STAU2: variants seen among roughly 807,000 people sequenced by gnomAD.
The protein encoded by STAU2 is staufen double-stranded RNA binding protein 2, also known as double-stranded RNA-binding protein Staufen homolog 2.
Under a neutral mutation model 65.9 loss-of-function variants are expected in STAU2, and 20 were observed. The observed-to-expected ratio is 0.30, with a 90% CI of 0.21 to 0.44. The LOEUF is 0.44. Ranked by LOEUF, STAU2 falls within the 20% of genes least tolerant of loss-of-function variation. The pLI is 1.00. For missense variants in STAU2, 558 were observed against 683.9 expected, an observed-to-expected ratio of 0.82 and a Z score of 2.05; for synonymous variants, 232 against 233.9, an observed-to-expected ratio of 0.99 and a Z score of 0.07.
upstream of STAU2, chr8:73,746,946 C>T: frequency 2.3e-6 from 2 of 869,532 alleles, no homozygotes; most frequent in Non-Finnish European, 2.8e-6. Flanking sequence ...CTCCCGCGCT[C>T]GCGCCGCGCG....
intron 13 of STAU2, among the ~76,000 whole-genome samples, chr8:73,515,858 C>T (rs538885453): frequency 1.4e-4 from 20 of 145,972 alleles, no homozygotes; most frequent in African/African-American, 4.0e-4. Context: ...ACTGCAACCT[C>T]CACCTTCCAG....
chr8:73,654,671 T>C (rs1400348787), intron 6 of STAU2, among the ~76,000 whole-genome samples: 29 of 68,358 alleles, frequency 4.2e-4, no homozygotes, highest in Non-Finnish European at 8.7e-4. Flanking sequence ...AGAACTCTTT[T>C]AATTATCAAA....
intron 13 of STAU2, chr8:73,511,393 C>T (rs906115999): frequency 1.3e-5 from 2 of 152,752 alleles, no homozygotes; most frequent in African/African-American, 4.8e-5. Context: ...CAATAATACA[C>T]CTTCAAGAAA....
intron 2 of STAU2, among the ~76,000 whole-genome samples, chr8:73,739,423 C>T (rs929085004): frequency 6.6e-6 from 1 of 151,816 alleles, no homozygotes; most frequent in African/African-American, 2.4e-5. Context: ...CAGCAAAAGG[C>T]CTATATCTAA....
chr8:73,697,337 T>C (rs1819756047), intron 4 of STAU2: 3 of 152,196 alleles, frequency 2.0e-5, no homozygotes, highest in Admixed American at 2.0e-4. Context: ...GAAAATATCC[T>C]TTAATTATGA....
Position 73,579,527 on chromosome 8 carries a change from T to G in STAU2, c.1222+3243A>C, listed in dbSNP as rs576350109. On this transcript the variant is annotated intron_variant, in intron 12 of 14. Coordinates refer to ENST00000524300, the MANE Select transcript of STAU2 (RefSeq NM_001164380.2). Reference sequence around the variant, plus strand: ...AACTGTATCTAAATATTTTACAAAGTTTTCCAAGAGCCGTGAGCTGTCAGT... The same window carrying G: ...AACTGTATCTAAATATTTTACAAAGGTTTCCAAGAGCCGTGAGCTGTCAGT... Among the ~76,000 whole-genome samples, 3 of 152,268 alleles carry G rather than the reference T, an allele frequency of 2.0e-5. No homozygotes were observed. The South Asian group carries it at 6.2e-4, about 32-fold the overall frequency.
chr8:73,738,341 C>A lies in STAU2; in HGVS notation c.-75G>T. The A allele has an allele frequency of 1.9e-6, 3 of 1,576,838 alleles. No individual in the cohort carries two copies. The South Asian group carries it at 3.6e-5, about 19-fold the overall frequency. ...GACCAAACTGCTGTATCCCTCACGGCTCCAAAAACTGGAAAACGAAAATGA... is the reference window on the plus strand; with the variant it reads ...GACCAAACTGCTGTATCCCTCACGGATCCAAAAACTGGAAAACGAAAATGA... On this transcript the variant is annotated 5_prime_UTR_variant, in exon 3 of 15. Transcript: ENST00000524300.
At chr8:73,599,280 C>T (rs989997730) in intron 10 of STAU2, among the ~76,000 whole-genome samples, 2 of 152,082 alleles carry the variant, frequency 1.3e-5, no homozygotes, top group African/African-American at 4.8e-5. Context: ...AATTTGACTA[C>T]ACTAAAAATT....
At chr8:73,589,866 G>C (rs1810639873) in intron 11 of STAU2, among the ~76,000 whole-genome samples, 1 of 151,674 alleles carries the variant, frequency 6.6e-6, no homozygotes, top group African/African-American at 2.4e-5. Flanking sequence ...AACCCTATAA[G>C]GACAAGGAGG....
intron 3 of STAU2, among the ~76,000 whole-genome samples, chr8:73,724,698 T>A (rs1377459117): frequency 6.7e-6 from 1 of 149,872 alleles, no homozygotes; most frequent in East Asian, 1.9e-4. Context: ...TATATTTTTT[T>A]TTTTTTTCTG....
chr8:73,663,837 T>C (rs981696402), intron 6 of STAU2, among the ~76,000 whole-genome samples: 5 of 152,240 alleles, frequency 3.3e-5, no homozygotes, highest in African/African-American at 9.6e-5. Flanking sequence ...TGCTCATTAC[T>C]ATTTACTAGA....
At chr8:73,539,127 T>C (rs1236205086) in intron 13 of STAU2, among the ~76,000 whole-genome samples, 1 of 152,198 alleles carries the variant, frequency 6.6e-6, no homozygotes, top group Non-Finnish European at 1.5e-5. Flanking sequence ...CCAGATTAAG[T>C]GCCTCAGAAA....
chr8:73,449,356 A>T (rs1056525767), intron 13 of STAU2, among the ~76,000 whole-genome samples: 1 of 152,206 alleles, frequency 6.6e-6, no homozygotes, highest in Non-Finnish European at 1.5e-5. Context: ...TCTGGGCAGC[A>T]CACCTGGCTG....
chr8:73,673,237 T>A lies in STAU2; in HGVS notation c.280A>T (p.Ile94Leu). Reference protein sequence around the residue: ...KSNVNNNPGSITPTVELNGLA... With the variant: ...KSNVNNNPGSLTPTVELNGLA... Reference sequence around the variant, plus strand: ...CCATTCAGTTCCACAGTTGGAGTTATACTGCCTGTTTAAAAAAAAAACATT... The same window carrying A: ...CCATTCAGTTCCACAGTTGGAGTTAAACTGCCTGTTTAAAAAAAAAACATT... Residue 94 changes from isoleucine (I) to leucine (L), a missense_variant, in exon 6 of 15, where the codon ATA becomes TTA. By Grantham distance (5) the Ile-to-Leu change is conservative. Coordinates refer to ENST00000524300, the MANE Select transcript of STAU2 (RefSeq NM_001164380.2). 1.9e-6 allele frequency: 3 copies of A among 1,563,154 alleles called. No homozygotes were observed. The highest frequency in any genetic ancestry group is 2.6e-6 in the Non-Finnish European group (3 of 1,158,646).
At chr8:73,608,183 C>A (rs115910277) in intron 9 of STAU2, among the ~76,000 whole-genome samples, 4 of 152,064 alleles carry the variant, frequency 2.6e-5, no homozygotes, top group Non-Finnish European at 5.9e-5. Context: ...ACTTTTTAAA[C>A]GATCATTTGG....
At chr8:73,551,906 C>T in intron 13 of STAU2, 106 bp downstream of exon 13, 2 of 1,393,168 alleles carry the variant, frequency 1.4e-6, no homozygotes, top group South Asian at 2.2e-5. Flanking sequence ...ACGTAAGTGG[C>T]ATGTAGGCCA....
At chr8:73,590,514 GGC>G (rs1810697261) in intron 11 of STAU2, 2 of 152,120 alleles carry the variant, frequency 1.3e-5, no homozygotes, top group African/African-American at 4.8e-5. Flanking sequence ...ATTCATTGGA[GGC>G]TTAAAAAAGA....
At chr8:73,431,378 G>A (rs1027653063) in intron 13 of STAU2, among the ~76,000 whole-genome samples, 1 of 151,842 alleles carries the variant, frequency 6.6e-6, no homozygotes, top group African/African-American at 2.4e-5. Flanking sequence ...AGAAATAAAA[G>A]GTACATCTAA....
chr8:73,566,740 CAT>C (rs758737640), intron 12 of STAU2, among the ~76,000 whole-genome samples: 5 of 152,130 alleles, frequency 3.3e-5, no homozygotes, highest in Non-Finnish European at 5.9e-5. Flanking sequence ...GTATGTAAAA[CAT>C]GTGAGGTTGG....
Sources: allele counts gnomAD v4.1 joint callset (sites outside exome capture counted in the v4.1 genomes callset), GRCh38; gene constraint gnomAD v4.1.1; transcripts MANE v1.5; gene names NCBI Gene and HGNC (gene_info 2026-07-23, HGNC 2026-07-21).